Variants in CPT2 observed in about 807,000 individuals in gnomAD.
The protein encoded by CPT2 is carnitine O-palmitoyltransferase 2, mitochondrial.
Under a neutral mutation model 48.6 loss-of-function variants are expected in CPT2, and 37 were observed. That is an observed-to-expected ratio of 0.76 (90% CI 0.59 to 1.00). The LOEUF (loss-of-function observed/expected upper bound fraction) is 1.00, where lower values mean the gene tolerates loss of function less well. CPT2 is among the 50% of genes least tolerant of loss of function. The pLI, the probability that CPT2 is intolerant of heterozygous loss-of-function variation, is 0.00. For synonymous variants in CPT2, 319 were observed against 326.9 expected (o/e 0.98, Z 0.26); for missense variants, 772 against 825.6 (o/e 0.94, Z 0.80).
chr1:53,210,932 A>C lies in CPT2; in HGVS notation c.1258A>C (p.Thr420Pro). ...GGTGCAGAAACTCAACTTCGAGCTG[A>C]CTGATGCCTTAAAGACTGGCATCAC... ...VTVQKLNFEL[T>P]DALKTGITAA... Residue 420 changes from threonine (T) to proline (P), a missense_variant, in exon 4 of 5, where the codon ACT (threonine) becomes CCT (proline). Thr to Pro is a conservative substitution (Grantham distance 38, BLOSUM62 -1). Coordinates refer to ENST00000371486, the MANE Select transcript of CPT2 (RefSeq NM_000098.3). 6 of 1,614,220 alleles carry C rather than the reference A, an allele frequency of 3.7e-6. No individual in the cohort carries two copies. The highest frequency in any genetic ancestry group is 5.1e-6 in the Non-Finnish European group (6 of 1,180,038).
chr1:53,201,988 C>G (rs912792615), intron 2 of CPT2: 7 of 326,958 alleles, frequency 2.1e-5, no homozygotes, highest in African/African-American at 4.3e-5. Context: ...TATCCAAGAT[C>G]ACACAGTTTG....
chr1:53,211,128 C>T lies in CPT2; in HGVS notation c.1454C>T (p.Thr485Ile), dbSNP rs1474372431. ...FLRQYGQTVA[T>I]YESCSTAAFK... ...CGGCAGTACGGGCAGACAGTGGCCA[C>T]CTACGAGTCCTGTAGCACTGCCGCA... is the stretch of plus-strand genomic sequence containing the variant. Residue 485 changes from threonine (T) to isoleucine (I), a missense_variant, in exon 4 of 5, where the codon ACC becomes ATC. Physicochemically the swap from Thr to Ile is moderately conservative, Grantham distance 89. Coordinates refer to ENST00000371486, the MANE Select transcript of CPT2 (RefSeq NM_000098.3). 1 of 1,613,904 alleles carries T rather than the reference C, an allele frequency of 6.2e-7. No individual in the cohort carries two copies.
chr1:53,199,787 T>C (rs1249695755), intron 1 of CPT2: 2 of 152,254 alleles, frequency 1.3e-5, no homozygotes, highest in Non-Finnish European at 2.9e-5. Context: ...TGTCATATTA[T>C]GGATAAACAT....
intron 2 of CPT2, chr1:53,201,817 A>G (rs1645356089): frequency 6.0e-6 from 1 of 167,124 alleles, no homozygotes; most frequent in South Asian, 1.5e-4. Flanking sequence ...ATTTGTTATT[A>G]GTCATTTAAA....
In CPT2 at chr1:53,204,153, C is replaced by G. The variant is rs1183013012; in HGVS notation, c.340+1724C>G. 5 of 152,070 alleles carry G rather than the reference C, an allele frequency of 3.3e-5. No individual in the cohort carries two copies. In the East Asian group the frequency reaches 7.7e-4, roughly 23 times the overall value. 9.4% of individuals were successfully genotyped at this position (152,070 alleles called of 1,614,324 possible). ...CTCATCCTTCAGGTCTGGGATATTT[C>G]CTTGTTTTATTTCTTTGGCTTTCTT... On this transcript the variant is annotated intron_variant, in intron 3 of 4. Transcript: ENST00000371486.
chr1:53,196,974 C>T lies in CPT2; in HGVS notation c.31C>T (p.Pro11Ser). The change falls in exon 1 of 5, where the codon CCC (proline) becomes TCC (serine). Residue 11 changes from proline to serine, a missense_variant. Coordinates refer to ENST00000371486, the MANE Select transcript of CPT2 (RefSeq NM_000098.3). MVPRLLLRAW[P>S]RGPAVGPGAP... ...GCCCCGCCTGCTGCTGCGCGCCTGG[C>T]CCCGGGGCCCCGCGGTTGGTCCGGG... 6.5e-7 allele frequency: 1 copy of T among 1,528,104 alleles called. No homozygotes were observed. 94.7% of individuals were successfully genotyped at this position (1,528,104 alleles called of 1,614,324 possible).
At position 53,213,582 on chromosome 1, in the gene CPT2, C is replaced by A. The variant is rs373714948; in HGVS notation, c.1964C>A (p.Ser655Tyr). The A allele has an allele frequency of 1.5e-5, 24 of 1,613,312 alleles. No individual in the cohort carries two copies. The highest frequency in any genetic ancestry group is 1.8e-4 in the Middle Eastern group (1 of 5,624). ...ATGTTTGATGCCTTAGAAGGCAAATCCATCAAAAGTTAACTTCTGGGCAGA... is the reference window on the plus strand; with the variant it reads ...ATGTTTGATGCCTTAGAAGGCAAATACATCAAAAGTTAACTTCTGGGCAGA... ...EDMFDALEGK[S>Y]IKS The change falls in exon 5 of 5, where the codon TCC becomes TAC. Residue 655 changes from serine to tyrosine, a missense_variant. Coordinates refer to ENST00000371486, the MANE Select transcript of CPT2 (RefSeq NM_000098.3).
chr1:53,202,710 A>G (rs1645361272), intron 3 of CPT2: 2 of 460,672 alleles, frequency 4.3e-6, no homozygotes, highest in Non-Finnish European at 8.0e-6. Flanking sequence ...ATGCAGGATT[A>G]AGTCCTATGT....
In CPT2 at chr1:53,210,626, G is replaced by C. The variant is rs760989930; in HGVS notation, c.952G>C (p.Val318Leu). 1.2e-6 allele frequency: 2 copies of C among 1,614,070 alleles called. No homozygotes were observed. The highest frequency in any genetic ancestry group is 1.7e-6 in the Non-Finnish European group (2 of 1,180,046). The change falls in exon 4 of 5, where the codon GTG becomes CTG. Residue 318 changes from valine (V) to leucine (L), a missense_variant. Coordinates refer to ENST00000371486, the MANE Select transcript of CPT2 (RefSeq NM_000098.3). ...SSGNEESLRKVDSAVFCLCLD... is the reference protein window; with the variant it reads ...SSGNEESLRKLDSAVFCLCLD... Reference sequence around the variant, plus strand: ...TGGCAATGAGGAGAGCCTGAGGAAAGTGGACTCGGCAGTGTTCTGTCTCTG... The same window carrying C: ...TGGCAATGAGGAGAGCCTGAGGAAACTGGACTCGGCAGTGTTCTGTCTCTG...
rs775246158 is a variant in CPT2 at position 53,210,984 on chromosome 1, C to T, written c.1310C>T (p.Thr437Ile). The T allele has an allele frequency of 1.2e-6, 2 of 1,614,166 alleles. No individual in the cohort carries two copies. Among genetic ancestry groups the T allele is most frequent in the Non-Finnish European group, 1.7e-6 (2 of 1,180,030 alleles). Reference protein sequence around the residue: ...ITAAKEKFDATMKTLTIDCVQ... With the variant: ...ITAAKEKFDAIMKTLTIDCVQ... ...GCTGCTAAGGAAAAGTTTGATGCCA[C>T]CATGAAAACCCTCACTATTGACTGC... The change falls in exon 4 of 5, where the codon ACC (threonine) becomes ATC (isoleucine). Residue 437 changes from threonine (T) to isoleucine (I), a missense_variant. Coordinates refer to ENST00000371486, the MANE Select transcript of CPT2 (RefSeq NM_000098.3).
Position 53,211,360 on chromosome 1 carries a change from C to T in CPT2, c.1645+41C>T, listed in dbSNP as rs370467473. On this transcript the variant is annotated intron_variant, in intron 4 of 4. Coordinates refer to ENST00000371486, the MANE Select transcript of CPT2 (RefSeq NM_000098.3). ...GGAGCATGCCCTTGGGTCTTGTCCT[C>T]AGTGCTTGGGTAAGCAAGCCTAAAT... 2.5e-5 allele frequency: 38 copies of T among 1,533,784 alleles called. No homozygotes were observed. The African/African-American group carries it at 4.1e-4, about 17-fold the overall frequency.
chr1:53,209,823 C>T (rs1050965268), intron 3 of CPT2, 192 bp from the exon 4 acceptor site: 6 of 615,266 alleles, frequency 9.8e-6, no homozygotes, highest in African/African-American at 1.9e-5. Context: ...AAGCTAAATG[C>T]AAAACACCAT....
chr1:53,212,726 T>C (rs1645437484), intron 4 of CPT2: 2 of 408,108 alleles, frequency 4.9e-6, no homozygotes, highest in African/African-American at 4.1e-5. Flanking sequence ...TATGAAGTGC[T>C]GGAAGTGAAA....
chr1:53,200,228 C>T lies in CPT2; in HGVS notation c.153-491C>T, dbSNP rs183442268. The T allele has an allele frequency of 1.7e-3, 266 of 158,756 alleles. 2 individuals carry two copies. The highest frequency in any genetic ancestry group is 0.016 in the Admixed American group (260 of 16,192). The allele number at this position is 158,756 out of a possible 1,614,324, so 9.8% of individuals were successfully genotyped here. A position where few individuals can be genotyped will look rare whatever the true frequency, so the allele number is the denominator to read the frequency against. On this transcript the variant is annotated intron_variant, in intron 1 of 4. Transcript: ENST00000371486. ...GATTCCTACCTTTTAGTGACTGTAG[C>T]CCCCATATATGGCTGGCCCTTGGAC...
rs1039012752 is a variant in CPT2 at position 53,200,657 on chromosome 1, G to A, written c.153-62G>A. ...GATCTAGTAATCAGTTCATTAGCTT[G>A]TAAAGCTAATTAACCTCTTCCATAT... On this transcript the variant is annotated intron_variant, in intron 1 of 4. Transcript: ENST00000371486. 4.1e-6 allele frequency: 5 copies of A among 1,228,916 alleles called. No individual in the cohort carries two copies. In the African/African-American group the frequency reaches 5.9e-5, roughly 15 times the overall value. The allele number at this position is 1,228,916 out of a possible 1,614,324, so 76.1% of individuals were successfully genotyped here.
chr1:53,207,381 G>A (rs140577958), intron 3 of CPT2: 34 of 152,336 alleles, frequency 2.2e-4, no homozygotes, highest in African/African-American at 7.2e-4. Context: ...CTGCCAAAAG[G>A]TTGCTAGTGT....
At chr1:53,204,736 A>G (rs1645377051) in intron 3 of CPT2, among the ~76,000 whole-genome samples, 1 of 152,146 alleles carries the variant, frequency 6.6e-6, no homozygotes, top group South Asian at 2.1e-4. Context: ...TCATGGGGGC[A>G]GTTTTCCCCA....
intron 1 of CPT2, among the ~76,000 whole-genome samples, chr1:53,197,715 C>T (rs973137297): frequency 6.6e-6 from 1 of 151,950 alleles, no homozygotes; most frequent in African/African-American, 2.4e-5. Context: ...TCTTTAATCT[C>T]CTAAATCCAG....
intron 3 of CPT2, chr1:53,209,334 G>A (rs1645406284): frequency 6.5e-6 from 1 of 153,040 alleles, no homozygotes; most frequent in South Asian, 2.0e-4. Flanking sequence ...AATCCAGCCT[G>A]GATGATAGAA....
Sources: allele counts gnomAD v4.1 joint callset (sites outside exome capture counted in the v4.1 genomes callset), GRCh38; gene constraint gnomAD v4.1.1; transcripts MANE v1.5; gene names NCBI Gene and HGNC (gene_info 2026-07-23, HGNC 2026-07-21).